CDC14A: variants seen among roughly 807,000 people sequenced by gnomAD.
CDC14A encodes the protein cell division cycle 14A.
A neutral mutation model predicts 74.4 loss-of-function variants in CDC14A; 53 were observed. That is an observed-to-expected ratio of 0.71 (90% CI 0.57 to 0.89). CDC14A has a LOEUF of 0.89. CDC14A is among the 40% of genes least tolerant of loss of function. The probability of loss-of-function intolerance (pLI) is 0.00; values close to 1 mark genes in which losing one functional copy is unlikely to be tolerated. For missense variants in CDC14A, 646 were observed against 713.7 expected (o/e 0.91, Z 1.08); for synonymous variants, 247 against 258.4 (o/e 0.96, Z 0.43).
chr1:100,462,915 TTA>T, intron 9 of CDC14A, 34 bp downstream of exon 9: 1 of 1,527,910 alleles, frequency 6.5e-7, no homozygotes, highest in South Asian at 1.1e-5. Flanking sequence ...GTGGCTGTGC[TTA>T]TCGAAGGGGC....
rs775946056 is a variant in CDC14A at position 100,462,834 on chromosome 1, T to C, written c.791T>C (p.Leu264Pro). Residue 264 changes from leucine (L) to proline (P), a missense_variant, in exon 9 of 16, where the codon CTG becomes CCG. Physicochemically the swap from Leu to Pro is moderately conservative, Grantham distance 98. Coordinates refer to ENST00000336454, the MANE Select transcript of CDC14A (RefSeq NM_003672.4). Reference sequence around the variant, plus strand: ...AGTGACAACATCGTGCGAAGGTTCCTGAACATCTGTGAGAACACCGAAGGG... The same window carrying C: ...AGTGACAACATCGTGCGAAGGTTCCCGAACATCTGTGAGAACACCGAAGGG... ...TPSDNIVRRF[L>P]NICENTEGAI... The C allele has an allele frequency of 1.2e-6, 2 of 1,614,002 alleles. No individual in the cohort carries two copies. The highest frequency in any genetic ancestry group is 1.7e-6 in the Non-Finnish European group (2 of 1,179,968).
At position 100,511,544 on chromosome 1, in the gene CDC14A, C is replaced by T. The variant is rs1444405544; in HGVS notation, c.1756-6707C>T. On this transcript the variant is annotated intron_variant, in intron 15 of 15. Transcript: ENST00000336454. ...CACTCCCAGCTTCCTCTGGGTGTTA[C>T]CTGGGATAGAGAGAATACAGGTTCC... Among the ~76,000 whole-genome samples the T allele has an allele frequency of 4.6e-5, 7 of 152,294 alleles. No homozygotes were observed. The East Asian group carries it at 1.4e-3, about 29-fold the overall frequency.
intron 2 of CDC14A, among the ~76,000 whole-genome samples, chr1:100,360,529 G>C (rs142297753): frequency 3.3e-5 from 5 of 151,178 alleles, no homozygotes; most frequent in Admixed American, 1.3e-4. Flanking sequence ...TTTTTTTGTA[G>C]AGACAGGGTT....
upstream of CDC14A, among the ~76,000 whole-genome samples, chr1:100,350,556 G>T (rs1430185191): frequency 5.9e-5 from 9 of 152,288 alleles, no homozygotes; most frequent in East Asian, 5.8e-4. Context: ...TTATATAAAA[G>T]ATTTTTGTAA....
At chr1:100,439,565 AAC>A (rs1664702724) in intron 5 of CDC14A, among the ~76,000 whole-genome samples, 1 of 152,210 alleles carries the variant, frequency 6.6e-6, no homozygotes, top group Non-Finnish European at 1.5e-5. Flanking sequence ...ATAATCTGAC[AAC>A]AGTCCTATGA....
intron 15 of CDC14A, among the ~76,000 whole-genome samples, chr1:100,505,870 T>C (rs1187296234): frequency 2.6e-5 from 4 of 152,196 alleles, no homozygotes; most frequent in African/African-American, 7.2e-5. Context: ...TGCTTGGCTT[T>C]GCGTGAGTCC....
At chr1:100,462,909 C>G (rs1442110431) in intron 9 of CDC14A, 28 bp downstream of exon 9, 1 of 1,561,906 alleles carries the variant, frequency 6.4e-7, no homozygotes, top group Non-Finnish European at 8.8e-7. Flanking sequence ...GTGGTGGTGG[C>G]TGTGCTTATC....
intron 3 of CDC14A, among the ~76,000 whole-genome samples, chr1:100,387,076 T>C (rs1008363799): frequency 6.6e-6 from 1 of 152,120 alleles, no homozygotes; most frequent in African/African-American, 2.4e-5. Context: ...ACAAAATATT[T>C]TGTTACCCCT....
intron 4 of CDC14A, among the ~76,000 whole-genome samples, chr1:100,394,512 A>AT (rs1658196757): frequency 1.7e-4 from 26 of 152,224 alleles, no homozygotes. Flanking sequence ...GGATTAAATT[A>AT]GATGCGTTGA....
At chr1:100,365,920 T>C (rs1403947475) in intron 2 of CDC14A, among the ~76,000 whole-genome samples, 1 of 148,370 alleles carries the variant, frequency 6.7e-6, no homozygotes, top group Non-Finnish European at 1.5e-5. Flanking sequence ...GAGGCATTGC[T>C]GATCAATTTC....
chr1:100,387,781 G>C (rs548637195), intron 3 of CDC14A, among the ~76,000 whole-genome samples: 1 of 152,112 alleles, frequency 6.6e-6, no homozygotes, highest in East Asian at 1.9e-4. Context: ...TCATGTTCCA[G>C]GATAAGTCTC....
At chr1:100,440,116 G>A in intron 6 of CDC14A, 118 bp downstream of exon 6, 1 of 712,354 alleles carries the variant, frequency 1.4e-6, no homozygotes, top group Non-Finnish European at 2.4e-6. Flanking sequence ...GTAAGTAGAA[G>A]GCTTTTCACT....
rs978572551 is a variant in CDC14A at position 100,352,787 on chromosome 1, G to A, written c.-168G>A. 1.4e-6 allele frequency: 2 copies of A among 1,425,714 alleles called. No individual in the cohort carries two copies. The highest frequency in any genetic ancestry group is 2.9e-5 in the African/African-American group (2 of 67,886). 88.3% of individuals were successfully genotyped at this position (1,425,714 alleles called of 1,614,324 possible). On this transcript the variant is annotated 5_prime_UTR_variant, in exon 1 of 16. Coordinates refer to ENST00000336454, the MANE Select transcript of CDC14A (RefSeq NM_003672.4). ...TCGGAATGTCCCCGGGGCGCCCGGCGCGCTGACCCCGAAGCCGCCTCCGCC... is the reference window on the plus strand; with the variant it reads ...TCGGAATGTCCCCGGGGCGCCCGGCACGCTGACCCCGAAGCCGCCTCCGCC...
Position 100,484,320 on chromosome 1 carries a change from G to C in CDC14A, c.1006G>C (p.Asp336His). 6.3e-7 allele frequency: 1 copy of C among 1,596,710 alleles called. No homozygotes were observed. The highest frequency in any genetic ancestry group is 1.7e-5 in the Admixed American group (1 of 57,434). The change falls in exon 11 of 16, where the codon GAC becomes CAC. Residue 336 changes from aspartate (D) to histidine (H), a missense_variant. Coordinates refer to ENST00000336454, the MANE Select transcript of CDC14A (RefSeq NM_003672.4). ...ACAAGCATCGTTGTGGGTCCAAGGAGACATTTTCCGATCCAAACTGAAAAA... is the reference window on the plus strand; with the variant it reads ...ACAAGCATCGTTGTGGGTCCAAGGACACATTTTCCGATCCAAACTGAAAAA... ...EKQASLWVQG[D>H]IFRSKLKNRP...
chr1:100,402,532 A>G (rs539763644), intron 4 of CDC14A, among the ~76,000 whole-genome samples: 4 of 150,300 alleles, frequency 2.7e-5, no homozygotes, highest in Admixed American at 1.3e-4. Context: ...AGTTTTAAAA[A>G]TAAACATCTT....
At position 100,412,740 on chromosome 1, in the gene CDC14A, T is replaced by TTA. The variant is rs1223236120; in HGVS notation, c.310-11470_310-11469dup. Among the ~76,000 whole-genome samples the TTA allele has an allele frequency of 1.1e-4, 11 of 99,854 alleles. 1 individual carries two copies. Among genetic ancestry groups the TTA allele is most frequent in the South Asian group, 5.0e-4 (2 of 3,994 alleles). 65.5% of individuals were successfully genotyped at this position (99,854 alleles called of 152,430 possible). On this transcript the variant is annotated intron_variant, in intron 4 of 15. Coordinates refer to ENST00000336454, the MANE Select transcript of CDC14A (RefSeq NM_003672.4). ...TATATATATTTTATATATATATATT[T>TTA]TATATATATATATTTTATATATATA... is the stretch of plus-strand genomic sequence containing the variant.
intron 12 of CDC14A, among the ~76,000 whole-genome samples, chr1:100,495,528 C>T (rs933760634): frequency 8.5e-5 from 13 of 152,140 alleles, no homozygotes; most frequent in Non-Finnish European, 1.8e-4. Flanking sequence ...AAGGTGCAAA[C>T]GTTTGTAAAT....
chr1:100,421,323 A>G (rs1225999554), intron 4 of CDC14A, among the ~76,000 whole-genome samples: 1 of 152,234 alleles, frequency 6.6e-6, no homozygotes, highest in Non-Finnish European at 1.5e-5. Context: ...TGCTGAGAGA[A>G]GGCAAAAATA....
chr1:100,371,069 A>G (rs761598060), intron 2 of CDC14A, among the ~76,000 whole-genome samples: 2 of 152,128 alleles, frequency 1.3e-5, no homozygotes, highest in African/African-American at 2.4e-5. Context: ...GGCTATTGTA[A>G]CTGGGATTAC....
Sources: gnomAD v4.1 joint callset for allele counts (sites outside exome capture counted in the v4.1 genomes callset) on GRCh38, gnomAD v4.1.1 for gene constraint, MANE v1.5 for transcripts, NCBI Gene and HGNC (gene_info 2026-07-23, HGNC 2026-07-21) for gene names.